PDE4B: variants seen among roughly 807,000 people sequenced by gnomAD.
PDE4B encodes the protein 3',5'-cyclic-AMP phosphodiesterase 4B.
Under a neutral mutation model 82.2 loss-of-function variants are expected in PDE4B, and 20 were observed. That is an observed-to-expected ratio of 0.24 (90% confidence interval 0.17 to 0.35). The LOEUF is 0.35. Among genes scored for constraint, PDE4B ranks in the 10% least tolerant of loss-of-function variants. PDE4B has a pLI of 1.00. For synonymous variants in PDE4B, 320 were observed against 318.9 expected, an observed-to-expected ratio of 1.00 and a Z score of -0.04; for missense variants, 655 against 907.2, an observed-to-expected ratio of 0.72 and a Z score of 3.57.
At chr1:65,842,821 T>TA (rs1340727562) in intron 1 of PDE4B, among the ~76,000 whole-genome samples, 2 of 152,124 alleles carry the variant, frequency 1.3e-5, no homozygotes, top group East Asian at 3.9e-4. Context: ...TACATGGTAA[T>TA]AGAGTTGCAT....
intron 8 of PDE4B, chr1:66,354,879 T>G: frequency 6.5e-7 from 1 of 1,535,726 alleles, no homozygotes; most frequent in Non-Finnish European, 8.7e-7. Context: ...TATCTGTATC[T>G]TGGGGTTACA....
chr1:65,888,655 C>G (rs938708280), intron 1 of PDE4B, among the ~76,000 whole-genome samples: 1 of 151,856 alleles, frequency 6.6e-6, no homozygotes, highest in Non-Finnish European at 1.5e-5. Flanking sequence ...TTGCAGAGTT[C>G]TTTCACTTCC....
intron 3 of PDE4B, among the ~76,000 whole-genome samples, chr1:66,240,733 A>G (rs539096714): frequency 2.0e-5 from 3 of 152,352 alleles, no homozygotes; most frequent in African/African-American, 7.2e-5. Flanking sequence ...ATATTTGTTG[A>G]GTAAATGAAT....
At chr1:66,303,500 T>G (rs1304000875) in intron 7 of PDE4B, among the ~76,000 whole-genome samples, 1 of 152,062 alleles carries the variant, frequency 6.6e-6, no homozygotes, top group Non-Finnish European at 1.5e-5. Context: ...TACCTTATTG[T>G]TAGCTAAAGT....
chr1:65,895,549 CAAAAAAAAAA>C (rs10605148), intron 1 of PDE4B, among the ~76,000 whole-genome samples: 1 of 91,998 alleles, frequency 1.1e-5, no homozygotes, highest in Non-Finnish European at 2.1e-5. Context: ...GACACTGTCT[CAAAAAAAAAA>C]AAAAAAAAAA....
intron 1 of PDE4B, among the ~76,000 whole-genome samples, chr1:65,822,561 C>A (rs1011271227): frequency 7.9e-5 from 12 of 152,260 alleles, no homozygotes; most frequent in Admixed American, 5.9e-4. Context: ...AGAACTTAAA[C>A]CCCAAACGTG....
At chr1:66,182,530 GAT>G (rs148970933) in intron 3 of PDE4B, among the ~76,000 whole-genome samples, 4,483 of 152,264 alleles carry the variant, frequency 0.029, 228 homozygotes, top group African/African-American at 0.1. Flanking sequence ...AAGCTGAAGA[GAT>G]AATCTAATTG....
chr1:65,820,931 T>G (rs532864121), intron 1 of PDE4B, among the ~76,000 whole-genome samples: 33 of 152,350 alleles, frequency 2.2e-4, no homozygotes, highest in Admixed American at 5.9e-4. Flanking sequence ...GAAATCTCTG[T>G]AAGGTAAGTC....
intron 3 of PDE4B, among the ~76,000 whole-genome samples, chr1:66,227,064 G>T (rs1651510310): frequency 6.6e-6 from 1 of 152,214 alleles, no homozygotes; most frequent in African/African-American, 2.4e-5. Context: ...TGAGCAACAG[G>T]CTAGACAAGA....
intron 3 of PDE4B, among the ~76,000 whole-genome samples, chr1:65,944,715 A>G (rs1648614135): frequency 6.6e-6 from 1 of 151,958 alleles, no homozygotes; most frequent in Non-Finnish European, 1.5e-5. Context: ...GAAGCAATTA[A>G]GCATACTGCA....
intron 7 of PDE4B, among the ~76,000 whole-genome samples, chr1:66,276,839 T>C (rs892530033): frequency 6.6e-6 from 1 of 152,204 alleles, no homozygotes; most frequent in Non-Finnish European, 1.5e-5. Flanking sequence ...TGCTATGATA[T>C]TGGCTCACTT....
intron 3 of PDE4B, among the ~76,000 whole-genome samples, chr1:66,032,900 C>T (rs552255865): frequency 1.2e-4 from 19 of 152,086 alleles, no homozygotes; most frequent in African/African-American, 4.1e-4. Flanking sequence ...GTGATCCACC[C>T]GCCTCAGCCT....
intron 3 of PDE4B, chr1:66,112,840 C>T (rs1645516742): frequency 1.3e-5 from 2 of 152,228 alleles, no homozygotes; most frequent in South Asian, 4.1e-4. Context: ...AAGGAGGAAA[C>T]AGACTCAGAG....
chr1:65,884,363 A>G (rs547351413), intron 1 of PDE4B, among the ~76,000 whole-genome samples: 2 of 152,262 alleles, frequency 1.3e-5, no homozygotes, highest in South Asian at 2.1e-4. Flanking sequence ...CAGGGATTCA[A>G]GTTCTTCCTG....
At chr1:66,156,643 C>T (rs775576488) in intron 3 of PDE4B, among the ~76,000 whole-genome samples, 19 of 152,026 alleles carry the variant, frequency 1.2e-4, no homozygotes, top group Non-Finnish European at 4.4e-5. Context: ...CAGCAAAGCC[C>T]AAGAGTTGTC....
chr1:66,203,823 C>G (rs1557631789), intron 3 of PDE4B, among the ~76,000 whole-genome samples: 1 of 152,108 alleles, frequency 6.6e-6, no homozygotes, highest in Non-Finnish European at 1.5e-5. Flanking sequence ...GTAGTTTGAT[C>G]ATCTGAAGCC....
chr1:66,170,693 A>G (rs1048297068), intron 3 of PDE4B, among the ~76,000 whole-genome samples: 2 of 152,176 alleles, frequency 1.3e-5, no homozygotes, highest in Non-Finnish European at 2.9e-5. Flanking sequence ...GAGATTTAAA[A>G]TAGTTCATAT....
chr1:65,892,320 G>A (rs1646860512), intron 1 of PDE4B, among the ~76,000 whole-genome samples: 1 of 151,958 alleles, frequency 6.6e-6, no homozygotes, highest in African/African-American at 2.4e-5. Context: ...ACTAATTTAA[G>A]AGCACACAAC....
intron 3 of PDE4B, among the ~76,000 whole-genome samples, chr1:66,080,848 A>C (rs1158851618): frequency 1.3e-5 from 2 of 152,066 alleles, no homozygotes; most frequent in African/African-American, 4.8e-5. Context: ...CTGAACCATC[A>C]TCCTGGTTTT....
Sources: gnomAD v4.1 joint callset for allele counts (sites outside exome capture counted in the v4.1 genomes callset) on GRCh38, gnomAD v4.1.1 for gene constraint, MANE v1.5 for transcripts, NCBI Gene and HGNC (gene_info 2026-07-23, HGNC 2026-07-21) for gene names.